The following RGS6 variants were observed in gnomAD, a reference collection of about 807,000 sequenced individuals.
RGS6 encodes the protein regulator of G protein signaling 6.
Under a neutral mutation model 78.5 loss-of-function variants are expected in RGS6, and 30 were observed. The observed-to-expected ratio is 0.38, with a 90% confidence interval of 0.29 to 0.52. The LOEUF is 0.52. Among genes scored for constraint, RGS6 ranks in the 20% least tolerant of loss-of-function variants. RGS6 has a pLI of 0.85. For synonymous variants in RGS6, 206 were observed against 206.0 expected (o/e 1.00, Z 0.00); for missense variants, 495 against 609.7 (o/e 0.81, Z 1.98).
At chr14:72,191,749 C>A (rs1567427664) in intron 2 of RGS6, among the ~76,000 whole-genome samples, 1 of 152,192 alleles carries the variant, frequency 6.6e-6, no homozygotes, top group Admixed American at 6.5e-5. Context: ...GGGACACAAG[C>A]CAAACTGTAT....
intron 2 of RGS6, among the ~76,000 whole-genome samples, chr14:72,167,238 G>C (rs773306530): frequency 2.0e-4 from 30 of 152,234 alleles, no homozygotes; most frequent in Non-Finnish European, 4.0e-4. Context: ...GCTCCTAGCT[G>C]ACTGTGGGCC....
At chr14:72,529,442 A>T (rs1323978909) in intron 15 of RGS6, among the ~76,000 whole-genome samples, 1 of 152,122 alleles carries the variant, frequency 6.6e-6, no homozygotes, top group African/African-American at 2.4e-5. Flanking sequence ...TTATTCTCTT[A>T]TCTTTCTCCC....
At chr14:72,328,775 A>G (rs186189415) in intron 2 of RGS6, among the ~76,000 whole-genome samples, 2 of 152,376 alleles carry the variant, frequency 1.3e-5, no homozygotes, top group East Asian at 3.9e-4. Flanking sequence ...AAATGCAGAC[A>G]TTTTAAGCTA....
intron 14 of RGS6, chr14:72,511,829 A>G (rs1381421330): frequency 2.0e-5 from 3 of 152,212 alleles, no homozygotes; most frequent in Non-Finnish European, 4.4e-5. Flanking sequence ...TGAGTATCTT[A>G]TTTTGGGTTA....
intron 14 of RGS6, among the ~76,000 whole-genome samples, chr14:72,514,577 TC>T (rs995575098): frequency 1.3e-5 from 2 of 152,116 alleles, no homozygotes; most frequent in African/African-American, 4.8e-5. Flanking sequence ...AAAGCTAGTT[TC>T]CCCGCCAGCA....
At chr14:72,025,159 T>C (rs11844252) in intron 2 of RGS6, among the ~76,000 whole-genome samples, 19,737 of 152,152 alleles carry the variant, frequency 0.13, 1,331 homozygotes, top group East Asian at 0.17. Flanking sequence ...ATCATTTTGC[T>C]AGGACTGGAC....
intron 3 of RGS6, among the ~76,000 whole-genome samples, chr14:72,401,587 T>C (rs2092406507): frequency 6.6e-6 from 1 of 150,946 alleles, no homozygotes; most frequent in African/African-American, 2.4e-5. Context: ...CAAAGTTGAG[T>C]TTCTCTAGCA....
chr14:72,578,314 C>A, the RGS6 span, among the ~76,000 whole-genome samples: 1 of 152,290 alleles, frequency 6.6e-6, no homozygotes, highest in African/African-American at 2.4e-5. Context: ...CACCTCCTCA[C>A]GTAAGAGCCT....
chr14:72,404,900 G>C (rs1212192182), intron 3 of RGS6, among the ~76,000 whole-genome samples: 1 of 152,176 alleles, frequency 6.6e-6, no homozygotes, highest in Non-Finnish European at 1.5e-5. Context: ...CTCCCTAGGA[G>C]AGTGCCCAGC....
intron 2 of RGS6, among the ~76,000 whole-genome samples, chr14:72,312,225 G>GTT (rs386364170): frequency 0.07 from 9,032 of 128,674 alleles, 456 homozygotes; most frequent in East Asian, 0.29. Flanking sequence ...CTGAGAAATT[G>GTT]TTTTTTTTTT....
chr14:72,032,524 CTA>C (rs1418671905), intron 2 of RGS6, among the ~76,000 whole-genome samples: 20 of 152,162 alleles, frequency 1.3e-4, no homozygotes, highest in African/African-American at 4.1e-4. Context: ...TAAAATATAA[CTA>C]TGTGTACATT....
chr14:71,904,598 T>C, the RGS6 span, among the ~76,000 whole-genome samples: 1 of 152,246 alleles, frequency 6.6e-6, no homozygotes, highest in Non-Finnish European at 1.5e-5. Flanking sequence ...GGAGACCAGC[T>C]CTACTGCTAT....
chr14:72,229,934 A>C (rs2085548207), intron 2 of RGS6, among the ~76,000 whole-genome samples: 2 of 152,202 alleles, frequency 1.3e-5, no homozygotes, highest in South Asian at 4.1e-4. Flanking sequence ...ACCCTACTGG[A>C]GAAGGGCTCT....
intron 2 of RGS6, among the ~76,000 whole-genome samples, chr14:72,181,482 A>C (rs2097172449): frequency 6.6e-6 from 1 of 152,214 alleles, no homozygotes. Context: ...ACCTTTGAAG[A>C]ATAAAAATCT....
chr14:72,230,867 C>T (rs1262064738), intron 2 of RGS6, among the ~76,000 whole-genome samples: 1 of 152,152 alleles, frequency 6.6e-6, no homozygotes, highest in Non-Finnish European at 1.5e-5. Flanking sequence ...ACAGCAACAC[C>T]TAAATTAGTG....
chr14:71,938,713 C>T (rs1322820117), intron 1 of RGS6, among the ~76,000 whole-genome samples: 1 of 152,172 alleles, frequency 6.6e-6, no homozygotes, highest in Non-Finnish European at 1.5e-5. Context: ...TGGGATGCTG[C>T]TGTGCACAAC....
chr14:72,195,058 A>C (rs892657167), intron 2 of RGS6, among the ~76,000 whole-genome samples: 8 of 152,110 alleles, frequency 5.3e-5, no homozygotes, highest in Non-Finnish European at 1.0e-4. Context: ...AAATACAAAA[A>C]TTAGCTAGGT....
intron 1 of RGS6, among the ~76,000 whole-genome samples, chr14:71,942,698 C>T (rs980213343): frequency 6.6e-6 from 1 of 152,152 alleles, no homozygotes; most frequent in Non-Finnish European, 1.5e-5. Flanking sequence ...GGCTGAAATA[C>T]CCCAGTTAGA....
intron 2 of RGS6, among the ~76,000 whole-genome samples, chr14:72,214,775 A>T (rs1383447645): frequency 1.3e-5 from 2 of 152,152 alleles, no homozygotes; most frequent in Non-Finnish European, 2.9e-5. Flanking sequence ...CCTGAGCAAC[A>T]TAGTGAGACA....
Sources: gnomAD v4.1 joint callset for allele counts (sites outside exome capture counted in the v4.1 genomes callset) on GRCh38, gnomAD v4.1.1 for gene constraint, MANE v1.5 for transcripts, NCBI Gene and HGNC (gene_info 2026-07-23, HGNC 2026-07-21) for gene names.